Variants in TRPM3 observed in about 807,000 individuals in gnomAD.
TRPM3 encodes long transient receptor potential channel 3.
In TRPM3, 77 loss-of-function variants were observed where a neutral mutation model predicts 181.2. That is an observed-to-expected ratio of 0.42 (90% CI 0.35 to 0.51). The LOEUF (loss-of-function observed/expected upper bound fraction) is 0.51, where lower values mean the gene tolerates loss of function less well. TRPM3 is among the 20% of genes least tolerant of loss of function. The pLI, the probability that TRPM3 is intolerant of heterozygous loss-of-function variation, is 0.01. For synonymous variants in TRPM3, 745 were observed against 796.4 expected (o/e 0.94, Z 1.09); for missense variants, 1,759 against 2,196.7 (o/e 0.80, Z 3.98).
intron 1 of TRPM3, among the ~76,000 whole-genome samples, chr9:71,154,723 A>T (rs2075899110): frequency 6.6e-6 from 1 of 152,196 alleles, no homozygotes; most frequent in Non-Finnish European, 1.5e-5. Flanking sequence ...TTCTTATGAA[A>T]TAATTTAATC....
At chr9:70,747,657 A>G (rs1170723714) in intron 8 of TRPM3, among the ~76,000 whole-genome samples, 1 of 152,040 alleles carries the variant, frequency 6.6e-6, no homozygotes, top group African/African-American at 2.4e-5. Context: ...TACATTTTAA[A>G]GGGTTGTTCA....
chr9:70,697,367 C>G (rs2070878730), intron 8 of TRPM3, among the ~76,000 whole-genome samples: 1 of 152,138 alleles, frequency 6.6e-6, no homozygotes, highest in African/African-American at 2.4e-5. Flanking sequence ...AAAAACATTT[C>G]TGTTTATCAG....
At chr9:71,137,523 G>A (rs1338385922) in intron 1 of TRPM3, among the ~76,000 whole-genome samples, 1 of 152,128 alleles carries the variant, frequency 6.6e-6, no homozygotes, top group Non-Finnish European at 1.5e-5. Context: ...TGGTAATTGT[G>A]TCAACATAAA....
At chr9:70,915,517 G>A (rs896213627) in intron 1 of TRPM3, among the ~76,000 whole-genome samples, 1 of 151,332 alleles carries the variant, frequency 6.6e-6, no homozygotes, top group Non-Finnish European at 1.5e-5. Context: ...GTGTTAGCCA[G>A]GATGGTCTTG....
At chr9:70,940,075 G>A (rs1168387126) in intron 1 of TRPM3, among the ~76,000 whole-genome samples, 1 of 152,134 alleles carries the variant, frequency 6.6e-6, no homozygotes, top group Non-Finnish European at 1.5e-5. Context: ...GCAGGTGCTG[G>A]AGCCCTTCCT....
chr9:71,245,973 T>C (rs141892200), intron 1 of TRPM3, among the ~76,000 whole-genome samples: 36 of 152,316 alleles, frequency 2.4e-4, no homozygotes, highest in African/African-American at 7.9e-4. Context: ...TTTTTTATTT[T>C]GTCAGTGAAG....
intron 1 of TRPM3, among the ~76,000 whole-genome samples, chr9:71,089,480 T>G (rs1010295750): frequency 6.6e-6 from 1 of 151,794 alleles, no homozygotes; most frequent in Non-Finnish European, 1.5e-5. Context: ...TGAAGGTGTT[T>G]CTCTGTAGCT....
At position 71,284,112 on chromosome 9, in the gene TRPM3, A is replaced by G. The variant is rs554391740; in HGVS notation, c.183+162541T>C. On this transcript the variant is annotated intron_variant, in intron 1 of 24. Transcript: ENST00000357533. ...GTTCTCACCTGTAGTACCAGCTTCAATGGGTTTTTTACCAGGATAAAGGAA... is the reference window on the plus strand; with the variant it reads ...GTTCTCACCTGTAGTACCAGCTTCAGTGGGTTTTTTACCAGGATAAAGGAA... 7.2e-5 allele frequency among the ~76,000 whole-genome samples: 8 copies of G among 111,874 alleles called. No homozygotes were observed. The East Asian group carries it at 7.2e-4, about 10-fold the overall frequency. 73.4% of individuals were successfully genotyped at this position (111,874 alleles called of 152,430 possible).
rs1181271944 is a variant in TRPM3, at chr9:70,532,983, T to G, written c.*2970A>C. On this transcript the variant is annotated 3_prime_UTR_variant, in exon 26 of 26. Transcript: ENST00000677713. ...CACATACATGTGCACAGGAAGGAAA[T>G]GGCTCATGGAAGTTACACAGTTTGT... is the stretch of plus-strand genomic sequence containing the variant. The G allele has an allele frequency of 6.6e-6, 1 of 152,140 alleles. No individual in the cohort carries two copies. 9.4% of individuals were successfully genotyped at this position (152,140 alleles called of 1,614,324 possible).
intron 1 of TRPM3, among the ~76,000 whole-genome samples, chr9:71,401,397 T>C (rs1426064168): frequency 3.3e-5 from 5 of 151,980 alleles, no homozygotes; most frequent in African/African-American, 1.2e-4. Context: ...CTGAGCAGAC[T>C]ATTGGAGGAG....
At chr9:71,003,245 G>A (rs565724810) in intron 1 of TRPM3, among the ~76,000 whole-genome samples, 80 of 148,702 alleles carry the variant, frequency 5.4e-4, no homozygotes, top group African/African-American at 1.9e-3. Context: ...TCACTGCATA[G>A]CAGTTCAAGG....
At chr9:70,775,532 T>G (rs1372461684) in intron 7 of TRPM3, 4 of 152,158 alleles carry the variant, frequency 2.6e-5, no homozygotes, top group Non-Finnish European at 5.9e-5. Context: ...GATCTTGACC[T>G]GTAGGTCAGG....
chr9:70,885,101 T>C (rs2096064542), intron 1 of TRPM3, among the ~76,000 whole-genome samples: 1 of 152,194 alleles, frequency 6.6e-6, no homozygotes, highest in African/African-American at 2.4e-5. Context: ...CAACTCTAAC[T>C]GCACTTTTCT....
chr9:70,581,515 A>C (rs1001376950), intron 22 of TRPM3, among the ~76,000 whole-genome samples: 1 of 152,234 alleles, frequency 6.6e-6, no homozygotes, highest in East Asian at 1.9e-4. Context: ...CATCTGAGGA[A>C]AGGCAACTAA....
intron 19 of TRPM3, among the ~76,000 whole-genome samples, chr9:70,609,368 C>G (rs2061678311): frequency 6.6e-6 from 1 of 152,192 alleles, no homozygotes; most frequent in East Asian, 1.9e-4. Context: ...GAATTTTTCT[C>G]TTTTCCTAAC....
intron 1 of TRPM3, among the ~76,000 whole-genome samples, chr9:71,285,465 C>G (rs1004324405): frequency 6.6e-6 from 1 of 152,122 alleles, no homozygotes; most frequent in Non-Finnish European, 1.5e-5. Flanking sequence ...CCTATTAGCT[C>G]GAACTGTTGC....
intron 7 of TRPM3, among the ~76,000 whole-genome samples, chr9:70,763,085 G>A (rs1402001238): frequency 6.6e-6 from 1 of 152,146 alleles, no homozygotes; most frequent in Non-Finnish European, 1.5e-5. Context: ...TATTATGATG[G>A]CCCTGCTTTG....
chr9:71,022,880 A>C (rs1194340250), intron 1 of TRPM3, among the ~76,000 whole-genome samples: 3 of 152,138 alleles, frequency 2.0e-5, no homozygotes, highest in African/African-American at 7.2e-5. Flanking sequence ...TATATGTAAA[A>C]TTTAAAACTA....
chr9:70,996,638 AG>A (rs1214130064), intron 1 of TRPM3, among the ~76,000 whole-genome samples: 1 of 152,214 alleles, frequency 6.6e-6, no homozygotes, highest in Non-Finnish European at 1.5e-5. Context: ...CCTTTAGATC[AG>A]CTCCCTGTCT....
Sources: gnomAD v4.1 joint callset for allele counts (sites outside exome capture counted in the v4.1 genomes callset) on GRCh38, gnomAD v4.1.1 for gene constraint, MANE v1.5 for transcripts, NCBI Gene and HGNC (gene_info 2026-07-23, HGNC 2026-07-21) for gene names.